B4GALT5: variants seen among roughly 807,000 people sequenced by gnomAD.
The protein encoded by B4GALT5 is UDP-Gal:beta-GlcNAc beta-1,4-galactosyltransferase 5.
B4GALT5 carries 11 observed loss-of-function variants against 45.0 expected under a neutral mutation model. The observed-to-expected ratio is 0.24, with a 90% confidence interval of 0.15 to 0.40. The LOEUF (loss-of-function observed/expected upper bound fraction) is 0.40, where lower values mean the gene tolerates loss of function less well. Ranked by LOEUF, B4GALT5 falls within the 10% of genes least tolerant of loss-of-function variation. The pLI, the probability that B4GALT5 is intolerant of heterozygous loss-of-function variation, is 1.00. For synonymous variants in B4GALT5, 185 were observed against 182.9 expected, an observed-to-expected ratio of 1.01 and a Z score of -0.09; for missense variants, 337 against 500.2, an observed-to-expected ratio of 0.67 and a Z score of 3.11.
chr20:49,682,273 A>G (rs2085767197), intron 1 of B4GALT5, among the ~76,000 whole-genome samples: 1 of 152,196 alleles, frequency 6.6e-6, no homozygotes, highest in Non-Finnish European at 1.5e-5. Flanking sequence ...CCCTCTGTGC[A>G]CTGCCTACTA....
intron 2 of B4GALT5, among the ~76,000 whole-genome samples, chr20:49,647,627 T>C (rs1000121948): frequency 2.0e-5 from 3 of 152,240 alleles, no homozygotes; most frequent in African/African-American, 7.2e-5. Context: ...ATTACGATGC[T>C]GCTGTTAAGT....
intron 1 of B4GALT5, among the ~76,000 whole-genome samples, chr20:49,685,703 C>A (rs1042320774): frequency 1.3e-5 from 2 of 152,082 alleles, no homozygotes; most frequent in African/African-American, 4.8e-5. Context: ...CATATCCAGA[C>A]AATAGGTAGA....
intron 1 of B4GALT5, among the ~76,000 whole-genome samples, chr20:49,667,866 C>A (rs868431912): frequency 6.6e-6 from 1 of 152,134 alleles, no homozygotes; most frequent in South Asian, 2.1e-4. Flanking sequence ...CATTTTAAAT[C>A]TGCTTAAAAT....
At chr20:49,663,071 C>T (rs2085671595) in intron 1 of B4GALT5, among the ~76,000 whole-genome samples, 1 of 152,222 alleles carries the variant, frequency 6.6e-6, no homozygotes. Flanking sequence ...GTGAATGAAT[C>T]TCTCACACTT....
At position 49,634,201 on chromosome 20, in the gene B4GALT5, AC is replaced by A. The variant is rs1984449537; in HGVS notation, c.*2110del. The stretch of plus-strand genomic sequence containing the variant: ...TTCAAAAGAACAAAAACACAAACAA[AC>A]AAACAAACAAAACAAGGCCTGGCCA... On this transcript the variant is annotated 3_prime_UTR_variant, in exon 9 of 9. Transcript: ENST00000371711. 6.6e-6 allele frequency: 1 copy of A among 152,562 alleles called. No individual in the cohort carries two copies. The highest frequency in any genetic ancestry group is 2.4e-5 in the African/African-American group (1 of 41,410). 9.5% of individuals were successfully genotyped at this position (152,562 alleles called of 1,614,324 possible). A position where few individuals can be genotyped will look rare whatever the true frequency, so the allele number is the denominator to read the frequency against.
chr20:49,695,502 C>T (rs2085835781), intron 1 of B4GALT5, among the ~76,000 whole-genome samples: 1 of 151,982 alleles, frequency 6.6e-6, no homozygotes, highest in Non-Finnish European at 1.5e-5. Context: ...ACCTCCACCT[C>T]CCGGGTTCAA....
At chr20:49,638,271 G>A (rs969247735) in intron 7 of B4GALT5, among the ~76,000 whole-genome samples, 2 of 152,158 alleles carry the variant, frequency 1.3e-5, no homozygotes, top group African/African-American at 4.8e-5. Flanking sequence ...TCAAGCCTAG[G>A]CCTTGTGAAG....
intron 4 of B4GALT5, 97 bp downstream of exon 4, chr20:49,643,429 G>C: frequency 6.8e-7 from 1 of 1,479,636 alleles, no homozygotes; most frequent in Non-Finnish European, 9.2e-7. Flanking sequence ...GGATGAAAAT[G>C]ACAAAATGTC....
intron 1 of B4GALT5, among the ~76,000 whole-genome samples, chr20:49,666,615 G>C (rs1386942165): frequency 1.3e-5 from 2 of 152,052 alleles, no homozygotes; most frequent in Non-Finnish European, 2.9e-5. Context: ...TAGAACAGGA[G>C]GCTCCCTCTC....
intron 2 of B4GALT5, among the ~76,000 whole-genome samples, chr20:49,655,944 A>G (rs1198375432): frequency 6.6e-6 from 1 of 151,736 alleles, no homozygotes; most frequent in Non-Finnish European, 1.5e-5. Context: ...AAAAAAAAAA[A>G]AAGAAGTAGT....
intron 1 of B4GALT5, among the ~76,000 whole-genome samples, chr20:49,678,188 A>T (rs1329322486): frequency 6.6e-6 from 1 of 152,214 alleles, no homozygotes; most frequent in Non-Finnish European, 1.5e-5. Flanking sequence ...TGGGGCCTTG[A>T]TCTCACCCCT....
chr20:49,689,745 T>C (rs962742546), intron 1 of B4GALT5, among the ~76,000 whole-genome samples: 22 of 152,340 alleles, frequency 1.4e-4, no homozygotes, highest in African/African-American at 5.1e-4. Flanking sequence ...GGTGTGCATT[T>C]GCGGAGTTTG....
intron 5 of B4GALT5, among the ~76,000 whole-genome samples, chr20:49,642,219 A>G (rs1381493459): frequency 1.3e-5 from 2 of 152,122 alleles, no homozygotes; most frequent in African/African-American, 2.4e-5. Context: ...CAACAAAACC[A>G]TAATACAAGA....
chr20:49,663,419 T>C (rs942338536), intron 1 of B4GALT5, among the ~76,000 whole-genome samples: 3 of 147,964 alleles, frequency 2.0e-5, no homozygotes, highest in African/African-American at 7.4e-5. Flanking sequence ...TAAAGGGAAA[T>C]TGATATGCAC....
chr20:49,675,380 G>T (rs560997125), intron 1 of B4GALT5, among the ~76,000 whole-genome samples: 1 of 152,266 alleles, frequency 6.6e-6, no homozygotes, highest in African/African-American at 2.4e-5. Context: ...TCCTGTAATG[G>T]ATTTACACTT....
At chr20:49,647,622 G>A (rs530609746) in intron 2 of B4GALT5, among the ~76,000 whole-genome samples, 41 of 152,140 alleles carry the variant, frequency 2.7e-4, no homozygotes, top group African/African-American at 9.2e-4. Context: ...TTTGTATTAC[G>A]ATGCTGCTGT....
intron 2 of B4GALT5, among the ~76,000 whole-genome samples, chr20:49,652,825 A>AT (rs1479059421): frequency 7.9e-5 from 12 of 152,212 alleles, no homozygotes; most frequent in Non-Finnish European, 1.5e-4. Context: ...AGATGCCTGA[A>AT]TGTGGGTATG....
chr20:49,679,406 T>C lies in B4GALT5; in HGVS notation c.116-22704A>G, dbSNP rs77024610. ...CAATACCGAAAGTTAGTTAAACAAA[T>C]ACCTTGTTTCCCAGCACTTTGGGAG... On this transcript the variant is annotated intron_variant, in intron 1 of 8. Transcript: ENST00000371711. Among the ~76,000 whole-genome samples, 63 of 151,926 alleles carry C rather than the reference T, an allele frequency of 4.1e-4. No homozygotes were observed. In the East Asian group the frequency reaches 0.011, roughly 27 times the overall value.
At chr20:49,643,775 G>C in intron 3 of B4GALT5, 125 bp from the exon 4 acceptor site, 4 of 1,021,526 alleles carry the variant, frequency 3.9e-6, no homozygotes, top group Non-Finnish European at 5.6e-6. Context: ...AAGGATGGAA[G>C]TCCCTTCCTC....
Sources: gnomAD v4.1 joint callset for allele counts (sites outside exome capture counted in the v4.1 genomes callset) on GRCh38, gnomAD v4.1.1 for gene constraint, MANE v1.5 for transcripts, NCBI Gene and HGNC (gene_info 2026-07-23, HGNC 2026-07-21) for gene names.